The following RSRC1 variants were observed in gnomAD, a reference collection of about 807,000 sequenced individuals.
The protein encoded by RSRC1 is serine/Arginine-related protein 53.
In RSRC1, 39 loss-of-function variants were observed where a neutral mutation model predicts 49.1. The ratio of observed to expected loss-of-function variants is 0.79; its 90% CI spans 0.61 to 1.04. RSRC1 has a LOEUF of 1.04. RSRC1 is among the 50% of genes least tolerant of loss of function. The probability of loss-of-function intolerance (pLI) is 0.00; values close to 1 mark genes in which losing one functional copy is unlikely to be tolerated. For synonymous variants in RSRC1, 143 were observed against 130.8 expected, an observed-to-expected ratio of 1.09 and a Z score of -0.63; for missense variants, 388 against 402.4, an observed-to-expected ratio of 0.96 and a Z score of 0.31.
At chr3:158,408,747 C>A (rs1354686244) in intron 6 of RSRC1, among the ~76,000 whole-genome samples, 1 of 151,974 alleles carries the variant, frequency 6.6e-6, no homozygotes, top group Admixed American at 6.6e-5. Flanking sequence ...TAAGTGGGAG[C>A]CAGGCCAGGC....
intron 3 of RSRC1, among the ~76,000 whole-genome samples, chr3:158,193,867 G>C (rs11717618): frequency 0.22 from 33,115 of 151,920 alleles, 4,194 homozygotes; most frequent in Non-Finnish European, 0.29. Context: ...TAGAAATTTC[G>C]TATGTGTAAA....
chr3:158,355,462 C>T (rs1731104878), intron 6 of RSRC1, among the ~76,000 whole-genome samples: 1 of 151,686 alleles, frequency 6.6e-6, no homozygotes, highest in African/African-American at 2.4e-5. Context: ...TTGAGATTTT[C>T]ATTGTTCTAA....
intron 4 of RSRC1, among the ~76,000 whole-genome samples, chr3:158,239,140 GC>G (rs1397726182): frequency 6.6e-6 from 1 of 152,144 alleles, no homozygotes; most frequent in Non-Finnish European, 1.5e-5. Context: ...TCAGAGAAAT[GC>G]AAATCAAAAC....
intron 5 of RSRC1, among the ~76,000 whole-genome samples, chr3:158,321,974 T>TACACACACACACAC (rs71144456): frequency 1.2e-3 from 174 of 148,506 alleles, no homozygotes; most frequent in African/African-American, 4.2e-3. Context: ...TTTTAACACC[T>TACACACACACACAC]ACACACACAC....
chr3:158,143,840 T>G (rs1716906667), intron 3 of RSRC1, among the ~76,000 whole-genome samples: 1 of 152,216 alleles, frequency 6.6e-6, no homozygotes, highest in Admixed American at 6.5e-5. Context: ...AAACTTCATA[T>G]GGCAATGCCA....
intron 3 of RSRC1, among the ~76,000 whole-genome samples, chr3:158,128,806 G>A (rs1206547052): frequency 6.6e-6 from 1 of 152,118 alleles, no homozygotes; most frequent in Non-Finnish European, 1.5e-5. Context: ...GTCTGTGCTT[G>A]TCTTTCATGA....
chr3:158,288,728 C>T (rs6788118), intron 4 of RSRC1, among the ~76,000 whole-genome samples: 3,255 of 151,494 alleles, frequency 0.021, 121 homozygotes, highest in African/African-American at 0.075. Context: ...GCTTATAATA[C>T]CTATTACAAC....
At chr3:158,173,345 A>T (rs1420140500) in intron 3 of RSRC1, among the ~76,000 whole-genome samples, 2 of 152,012 alleles carry the variant, frequency 1.3e-5, no homozygotes, top group African/African-American at 4.8e-5. Flanking sequence ...TAACTAAGTC[A>T]GTAGGTGCAT....
intron 3 of RSRC1, among the ~76,000 whole-genome samples, chr3:158,138,070 T>A (rs917305526): frequency 6.6e-6 from 1 of 152,176 alleles, no homozygotes; most frequent in African/African-American, 2.4e-5. Flanking sequence ...CAGATACAAT[T>A]AGGGACCAGA....
At chr3:158,297,282 A>G (rs1727286772) in intron 4 of RSRC1, among the ~76,000 whole-genome samples, 2 of 152,082 alleles carry the variant, frequency 1.3e-5, no homozygotes, top group African/African-American at 4.8e-5. Context: ...TATTTGCCAC[A>G]TTTCAACAAA....
At chr3:158,382,446 A>G (rs1051591213) in intron 6 of RSRC1, among the ~76,000 whole-genome samples, 1 of 152,258 alleles carries the variant, frequency 6.6e-6, no homozygotes, top group African/African-American at 2.4e-5. Context: ...GTTTACACCA[A>G]TATCACCACA....
chr3:158,337,311 A>C (rs1043278421), intron 5 of RSRC1, among the ~76,000 whole-genome samples: 1 of 152,172 alleles, frequency 6.6e-6, no homozygotes, highest in Non-Finnish European at 1.5e-5. Flanking sequence ...AATCAGTCTC[A>C]TGTGATCCGT....
At chr3:158,289,917 A>G (rs73166386) in intron 4 of RSRC1, among the ~76,000 whole-genome samples, 20,946 of 142,174 alleles carry the variant, frequency 0.15, 1,579 homozygotes, top group Middle Eastern at 0.22. Flanking sequence ...CTGTCTTTCT[A>G]TCTTTCTATC....
At chr3:158,324,573 T>A (rs1033232201) in intron 5 of RSRC1, among the ~76,000 whole-genome samples, 1 of 152,202 alleles carries the variant, frequency 6.6e-6, no homozygotes, top group Non-Finnish European at 1.5e-5. Context: ...CTTCCTTTCT[T>A]ATGGCTGCAT....
At chr3:158,137,087 C>T (rs1305422291) in intron 3 of RSRC1, among the ~76,000 whole-genome samples, 2 of 152,160 alleles carry the variant, frequency 1.3e-5, no homozygotes, top group Non-Finnish European at 2.9e-5. Flanking sequence ...TTATTCAGGT[C>T]ACTATTTATT....
At chr3:158,231,856 T>C (rs915461935) in intron 4 of RSRC1, among the ~76,000 whole-genome samples, 4 of 152,174 alleles carry the variant, frequency 2.6e-5, no homozygotes, top group African/African-American at 9.6e-5. Context: ...TCTATTACTT[T>C]ACCGTACTTT....
intron 4 of RSRC1, among the ~76,000 whole-genome samples, chr3:158,248,881 T>C (rs1290869906): frequency 7.3e-6 from 1 of 137,316 alleles, no homozygotes; most frequent in Non-Finnish European, 1.6e-5. Context: ...AACTGCAAAA[T>C]AGTTTTCTAT....
intron 4 of RSRC1, among the ~76,000 whole-genome samples, chr3:158,269,001 T>C (rs1725357393): frequency 6.6e-6 from 1 of 152,148 alleles, no homozygotes; most frequent in Admixed American, 6.5e-5. Context: ...ATAACCAGAT[T>C]GAAAAAGGTT....
At chr3:158,197,820 C>G (rs1720732630) in intron 3 of RSRC1, among the ~76,000 whole-genome samples, 1 of 152,150 alleles carries the variant, frequency 6.6e-6, no homozygotes, top group Non-Finnish European at 1.5e-5. Flanking sequence ...GTTTCTTAAT[C>G]GTCAGTTCTC....
Sources: gnomAD v4.1 joint callset for allele counts (sites outside exome capture counted in the v4.1 genomes callset) on GRCh38, gnomAD v4.1.1 for gene constraint, MANE v1.5 for transcripts, NCBI Gene and HGNC (gene_info 2026-07-23, HGNC 2026-07-21) for gene names.